DYNC2H1: variants seen among roughly 807,000 people sequenced by gnomAD.
DYNC2H1 encodes dynein cytoplasmic 2 heavy chain 1.
In DYNC2H1, 410 loss-of-function variants were observed where a neutral mutation model predicts 570.0. That is an observed-to-expected ratio of 0.72 (90% CI 0.66 to 0.78). The LOEUF is 0.78. Ranked by LOEUF, DYNC2H1 falls within the 30% of genes least tolerant of loss-of-function variation. DYNC2H1 has a pLI of 0.00. For synonymous variants in DYNC2H1, 1,688 were observed against 1,677.6 expected (o/e 1.01, Z -0.15); for missense variants, 4,865 against 5,046.4 (o/e 0.96, Z 1.09).
chr11:103,169,081 TA>T, intron 32 of DYNC2H1, 121 bp downstream of exon 32: 2 of 926,284 alleles, frequency 2.2e-6, no homozygotes, highest in Non-Finnish European at 3.1e-6. Flanking sequence ...TTTTTAGTAT[TA>T]TTGTCTTGTT....
At chr11:103,386,848 G>A (rs1217920834) in intron 83 of DYNC2H1, among the ~76,000 whole-genome samples, 3 of 152,096 alleles carry the variant, frequency 2.0e-5, no homozygotes, top group Non-Finnish European at 4.4e-5. Context: ...TTTTGTGGCT[G>A]CATAGTATTC....
intron 31 of DYNC2H1, among the ~76,000 whole-genome samples, chr11:103,168,090 G>T (rs552783449): frequency 1.3e-5 from 2 of 152,278 alleles, no homozygotes; most frequent in South Asian, 2.1e-4. Context: ...TGGCCAGAAA[G>T]CTGGGGTTCA....
chr11:103,467,282 T>G (rs1190454691), intron 87 of DYNC2H1, among the ~76,000 whole-genome samples: 1 of 152,162 alleles, frequency 6.6e-6, no homozygotes, highest in African/African-American at 2.4e-5. Context: ...TCATCCCAGC[T>G]CTTTTACTAA....
At chr11:103,161,821 G>A (rs1046002531) in intron 29 of DYNC2H1, among the ~76,000 whole-genome samples, 1 of 152,120 alleles carries the variant, frequency 6.6e-6, no homozygotes, top group African/African-American at 2.4e-5. Context: ...GCCTATTATA[G>A]GCATATAGCT....
At chr11:103,236,823 A>G (rs954514196) in intron 63 of DYNC2H1, among the ~76,000 whole-genome samples, 4 of 151,906 alleles carry the variant, frequency 2.6e-5, no homozygotes, top group Non-Finnish European at 5.9e-5. Context: ...GGGATACCCA[A>G]TTCATTGGTT....
intron 83 of DYNC2H1, among the ~76,000 whole-genome samples, chr11:103,367,436 A>G (rs1048124141): frequency 6.6e-6 from 1 of 152,078 alleles, no homozygotes; most frequent in African/African-American, 2.4e-5. Context: ...GTTTTTCTTT[A>G]GTTTTCAAAA....
At chr11:103,333,269 T>C (rs1938920573) in intron 82 of DYNC2H1, among the ~76,000 whole-genome samples, 1 of 152,180 alleles carries the variant, frequency 6.6e-6, no homozygotes, top group Non-Finnish European at 1.5e-5. Context: ...TGTTGTTTGT[T>C]TCTTTGTTTT....
intron 59 of DYNC2H1, among the ~76,000 whole-genome samples, chr11:103,226,021 G>A (rs571138746): frequency 6.6e-6 from 1 of 151,966 alleles, no homozygotes; most frequent in African/African-American, 2.4e-5. Context: ...TGTGGTTGCA[G>A]TTGGTGTATA....
At chr11:103,220,268 G>C (rs1863536063) in intron 56 of DYNC2H1, among the ~76,000 whole-genome samples, 1 of 152,198 alleles carries the variant, frequency 6.6e-6, no homozygotes, top group Admixed American at 6.5e-5. Flanking sequence ...TGATTGCAGA[G>C]GGAAAAAATG....
chr11:103,145,027 C>T lies in DYNC2H1; in HGVS notation c.2702+1632C>T, dbSNP rs367558104. 3.9e-5 allele frequency among the ~76,000 whole-genome samples: 6 copies of T among 151,930 alleles called. No individual in the cohort carries two copies. Among genetic ancestry groups the T allele is most frequent in the East Asian group, 1.9e-4 (1 of 5,174 alleles). On this transcript the variant is annotated intron_variant, in intron 18 of 88. Coordinates refer to ENST00000375735, the MANE Select transcript of DYNC2H1 (RefSeq NM_001377.3). This position sits in a 1 kb window ranked among gnomAD's most constrained non-coding sequence, Gnocchi z 4.2. ...TCCTGAGTAGCTGGGACTACAGGCA[C>T]GTGCCACCACGCCTGGCTAATTTTT...
At position 103,280,529 on chromosome 11, in the gene DYNC2H1, T is replaced by C. The variant is rs560612339; in HGVS notation, c.10761+116T>C. The C allele has an allele frequency of 2.2e-6, 2 of 902,768 alleles. No individual in the cohort carries two copies. The highest frequency in any genetic ancestry group is 3.3e-5 in the African/African-American group (2 of 59,934). 55.9% of individuals were successfully genotyped at this position (902,768 alleles called of 1,614,324 possible). ...GAAATTATATATCAACCTATTAATCTTTTACTAAGTTAGAAATGTAGTATA... is the reference window on the plus strand; with the variant it reads ...GAAATTATATATCAACCTATTAATCCTTTACTAAGTTAGAAATGTAGTATA... On this transcript the variant is annotated intron_variant, in intron 71 of 88. Transcript: ENST00000375735. This position sits in a 1 kb window ranked among gnomAD's most constrained non-coding sequence, Gnocchi z 4.7.
At position 103,210,175 on chromosome 11, in the gene DYNC2H1, A is replaced by G. The variant is rs1470554752; in HGVS notation, c.8539+215A>G. 1.8e-4 allele frequency among the ~76,000 whole-genome samples: 28 copies of G among 151,956 alleles called. 1 individual carries two copies. Among genetic ancestry groups the G allele is most frequent in the Admixed American group, 1.8e-3 (28 of 15,236 alleles). ...TAACCTAGAACCCAACAGAATATCT[A>G]CTGTGTGAGTTCAAGAAGTTTAAAA... is the stretch of plus-strand genomic sequence containing the variant. On this transcript the variant is annotated intron_variant, in intron 53 of 88. Coordinates refer to ENST00000375735, the MANE Select transcript of DYNC2H1 (RefSeq NM_001377.3).
At chr11:103,417,802 G>A (rs1943341011) in intron 84 of DYNC2H1, among the ~76,000 whole-genome samples, 1 of 151,838 alleles carries the variant, frequency 6.6e-6, no homozygotes, top group African/African-American at 2.4e-5. Context: ...CTTGAACCCG[G>A]GAGGCAAAGG....
rs1428392201 is a variant in DYNC2H1 at position 103,325,054 on chromosome 11, G to A, written c.12039+1064G>A. Among the ~76,000 whole-genome samples the A allele has an allele frequency of 1.3e-5, 2 of 151,870 alleles. No individual in the cohort carries two copies. The highest frequency in any genetic ancestry group is 2.4e-5 in the African/African-American group (1 of 41,322). On this transcript the variant is annotated intron_variant, in intron 82 of 88. Transcript: ENST00000375735. The surrounding 1 kb of genome is among the most constrained non-coding windows in gnomAD (Gnocchi z 4.8). Reference sequence around the variant, plus strand: ...CATGTTTTTTGCCCACTTTTTAATGGGCTTGTTTGTTTTTTGCTTGTTAAT... The same window carrying A: ...CATGTTTTTTGCCCACTTTTTAATGAGCTTGTTTGTTTTTTGCTTGTTAAT...
At position 103,205,207 on chromosome 11, in the gene DYNC2H1, A is replaced by T. The variant is rs935145701; in HGVS notation, c.8454+243A>T. The stretch of plus-strand genomic sequence containing the variant: ...AGAGACAACTATACTTTAAAATTTT[A>T]TGGCTTTAATTAACTAGCCTATTAC... On this transcript the variant is annotated intron_variant, in intron 52 of 88. Transcript: ENST00000375735. The surrounding 1 kb of genome is among the most constrained non-coding windows in gnomAD (Gnocchi z 4.5). 6.6e-6 allele frequency among the ~76,000 whole-genome samples: 1 copy of T among 152,166 alleles called. No individual in the cohort carries two copies. Among genetic ancestry groups the T allele is most frequent in the East Asian group, 1.9e-4 (1 of 5,194 alleles).
chr11:103,460,837 A>G lies in DYNC2H1; in HGVS notation c.12648+4481A>G, dbSNP rs148348484. Among the ~76,000 whole-genome samples, 738 of 152,066 alleles carry G rather than the reference A, an allele frequency of 4.9e-3. 3 individuals carry two copies. The highest frequency in any genetic ancestry group is 0.017 in the African/African-American group (707 of 41,524). ...TAAAGTTCTGTATATCCAGTGAGCA[A>G]AATTCTTTTATTTTTCATTTGGGAT... On this transcript the variant is annotated intron_variant, in intron 87 of 88. Coordinates refer to ENST00000375735, the MANE Select transcript of DYNC2H1 (RefSeq NM_001377.3).
rs1864498576 is a variant in DYNC2H1 at position 103,243,541 on chromosome 11, TG to T, written c.9820-151del. Reference sequence around the variant, plus strand: ...GTGATGCAGCTAAAAACTGTATTTTTGTTTCTTTTTCATGGTTGTATATTTG... The same window carrying T: ...GTGATGCAGCTAAAAACTGTATTTTTTTTCTTTTTCATGGTTGTATATTTG... On this transcript the variant is annotated intron_variant, in intron 63 of 88. Coordinates refer to ENST00000375735, the MANE Select transcript of DYNC2H1 (RefSeq NM_001377.3). This position sits in a 1 kb window ranked among gnomAD's most constrained non-coding sequence, Gnocchi z 4.8. 6.6e-6 allele frequency among the ~76,000 whole-genome samples: 1 copy of T among 152,206 alleles called. No homozygotes were observed. The highest frequency in any genetic ancestry group is 2.4e-5 in the African/African-American group (1 of 41,464).
intron 17 of DYNC2H1, among the ~76,000 whole-genome samples, chr11:103,138,059 A>T (rs1046637087): frequency 8.1e-5 from 12 of 148,808 alleles, no homozygotes; most frequent in African/African-American, 2.9e-4. Flanking sequence ...AATGCTTGTG[A>T]TTTTTGTACA....
At position 103,242,866 on chromosome 11, in the gene DYNC2H1, G is replaced by A. The variant is rs190120261; in HGVS notation, c.9820-827G>A. ...CTCCCAAGTAGCTGGGACTACAAGC[G>A]CCCGCCACCACGCCTGGCTAATTTT... On this transcript the variant is annotated intron_variant, in intron 63 of 88. Coordinates refer to ENST00000375735, the MANE Select transcript of DYNC2H1 (RefSeq NM_001377.3). 2.1e-3 allele frequency among the ~76,000 whole-genome samples: 322 copies of A among 151,934 alleles called. 1 individual carries two copies. Among genetic ancestry groups the A allele is most frequent in the African/African-American group, 7.2e-3 (298 of 41,462 alleles).
Sources: allele counts gnomAD v4.1 joint callset (sites outside exome capture counted in the v4.1 genomes callset), GRCh38; gene constraint gnomAD v4.1.1; non-coding constraint Gnocchi (gnomAD v3.1); transcripts MANE v1.5; gene names NCBI Gene and HGNC (gene_info 2026-07-23, HGNC 2026-07-21).